The following SPAG16 variants were observed in gnomAD, a reference collection of about 807,000 sequenced individuals.
SPAG16 encodes sperm associated antigen 16.
SPAG16 carries 86 observed loss-of-function variants against 80.4 expected under a neutral mutation model. That is an observed-to-expected ratio of 1.07 (90% CI 0.90 to 1.28). The LOEUF is 1.28. Among genes scored for constraint, SPAG16 ranks in the 50% most tolerant of loss-of-function variants. The pLI is 0.00. For synonymous variants in SPAG16, 294 were observed against 265.9 expected (o/e 1.11, Z -1.03); for missense variants, 870 against 765.3 (o/e 1.14, Z -1.61).
At chr2:213,420,259 AAT>A (rs2069505856) in intron 9 of SPAG16, among the ~76,000 whole-genome samples, 3 of 152,228 alleles carry the variant, frequency 2.0e-5, no homozygotes, top group African/African-American at 4.8e-5. Flanking sequence ...CTGATGATGA[AAT>A]ATAAGAACAG....
At chr2:213,775,399 A>G (rs1437197762) in intron 10 of SPAG16, among the ~76,000 whole-genome samples, 1 of 152,182 alleles carries the variant, frequency 6.6e-6, no homozygotes, top group African/African-American at 2.4e-5. Flanking sequence ...ACTACATTCT[A>G]TTTTATAAAC....
intron 9 of SPAG16, among the ~76,000 whole-genome samples, chr2:213,384,462 C>T (rs2067323976): frequency 6.6e-6 from 1 of 152,166 alleles, no homozygotes; most frequent in Admixed American, 6.5e-5. Context: ...GCCTCAGCCT[C>T]AAATCTAAGA....
At chr2:213,294,507 T>TAAAA (rs1318754598) in intron 1 of SPAG16, among the ~76,000 whole-genome samples, 1 of 152,220 alleles carries the variant, frequency 6.6e-6, no homozygotes, top group Non-Finnish European at 1.5e-5. Context: ...AGACTGCAAG[T>TAAAA]ATGCAACTAT....
intron 8 of SPAG16, among the ~76,000 whole-genome samples, chr2:213,372,969 G>A (rs973170691): frequency 5.9e-5 from 9 of 152,094 alleles, no homozygotes; most frequent in African/African-American, 9.7e-5. Flanking sequence ...AGCACTGGAA[G>A]GTACAATAAA....
rs112002008 is a variant in SPAG16 at position 213,543,223 on chromosome 2, A to G, written c.1070+53133A>G. ...CCCTAAGAAATTGGTTAGGTTGAGC[A>G]TCTCATTTTATTTCTTTTTTATGAA... On this transcript the variant is annotated intron_variant, in intron 10 of 15. Transcript: ENST00000331683. 8.0e-4 allele frequency among the ~76,000 whole-genome samples: 121 copies of G among 152,154 alleles called. 2 individuals are homozygous for G. The highest frequency in any genetic ancestry group is 3.4e-3 in the Middle Eastern group (1 of 294).
chr2:214,051,064 C>A (rs1000501260), intron 13 of SPAG16, among the ~76,000 whole-genome samples: 11 of 152,230 alleles, frequency 7.2e-5, no homozygotes, highest in African/African-American at 1.9e-4. Context: ...AGTGTCTTGA[C>A]CTTTAATATT....
At chr2:213,974,535 T>C (rs1342018203) in intron 12 of SPAG16, among the ~76,000 whole-genome samples, 1 of 152,028 alleles carries the variant, frequency 6.6e-6, no homozygotes, top group African/African-American at 2.4e-5. Context: ...TGATAAATAC[T>C]ACCAGAAAGT....
chr2:213,969,593 A>G (rs1453738284), intron 12 of SPAG16, among the ~76,000 whole-genome samples: 1 of 152,176 alleles, frequency 6.6e-6, no homozygotes, highest in Admixed American at 6.6e-5. Flanking sequence ...TCAAGACACC[A>G]TCTTGGAAGC....
chr2:213,515,277 CAA>C (rs1013631354), intron 10 of SPAG16, among the ~76,000 whole-genome samples: 20 of 152,202 alleles, frequency 1.3e-4, no homozygotes, highest in African/African-American at 4.8e-4. Context: ...CTTTATCCTC[CAA>C]AGTCACTCAA....
intron 12 of SPAG16, among the ~76,000 whole-genome samples, chr2:213,954,952 T>C (rs372073984): frequency 5.9e-5 from 9 of 152,324 alleles, no homozygotes; most frequent in African/African-American, 2.2e-4. Flanking sequence ...CATGTGCATG[T>C]CTTCTTTGAA....
At chr2:214,264,282 C>CT (rs1176617982) in intron 15 of SPAG16, among the ~76,000 whole-genome samples, 1 of 152,128 alleles carries the variant, frequency 6.6e-6, no homozygotes, top group Non-Finnish European at 1.5e-5. Context: ...TCTGTGGACT[C>CT]TAAGTGCTGT....
At chr2:213,984,818 C>A (rs1315257232) in intron 12 of SPAG16, among the ~76,000 whole-genome samples, 1 of 152,066 alleles carries the variant, frequency 6.6e-6, no homozygotes, top group Non-Finnish European at 1.5e-5. Flanking sequence ...CTAGCCTCTG[C>A]AGCTCTTCCA....
chr2:213,685,196 C>G (rs909379070), intron 10 of SPAG16, among the ~76,000 whole-genome samples: 6 of 152,246 alleles, frequency 3.9e-5, no homozygotes, highest in African/African-American at 1.4e-4. Flanking sequence ...GTCTTAACCC[C>G]AAGTACCTCA....
intron 10 of SPAG16, among the ~76,000 whole-genome samples, chr2:213,759,477 A>T (rs2068528156): frequency 1.3e-5 from 2 of 152,058 alleles, no homozygotes; most frequent in Admixed American, 1.3e-4. Flanking sequence ...ATTTTGTGAC[A>T]TCAAAAATTG....
intron 10 of SPAG16, among the ~76,000 whole-genome samples, chr2:213,823,739 C>T (rs2125699760): frequency 6.6e-6 from 1 of 152,182 alleles, no homozygotes; most frequent in Admixed American, 6.5e-5. Flanking sequence ...ATATCATTTG[C>T]CTACTTTTTG....
intron 15 of SPAG16, among the ~76,000 whole-genome samples, chr2:214,321,270 T>C (rs905407859): frequency 3.9e-5 from 6 of 152,220 alleles, no homozygotes; most frequent in African/African-American, 1.4e-4. Flanking sequence ...AATATCTTCA[T>C]ATAGCCAAAG....
intron 10 of SPAG16, among the ~76,000 whole-genome samples, chr2:213,861,434 G>A (rs753613774): frequency 1.1e-4 from 17 of 152,108 alleles, no homozygotes; most frequent in Non-Finnish European, 2.2e-4. Context: ...AAAGAACAAG[G>A]CCATTTATAG....
At chr2:214,291,834 GTGTT>G (rs1299496112) in intron 15 of SPAG16, among the ~76,000 whole-genome samples, 1 of 152,068 alleles carries the variant, frequency 6.6e-6, no homozygotes, top group African/African-American at 2.4e-5. Context: ...CTTCATTTGT[GTGTT>G]TGGTTTATCA....
intron 15 of SPAG16, among the ~76,000 whole-genome samples, chr2:214,293,713 A>C (rs1252857647): frequency 6.6e-6 from 1 of 152,196 alleles, no homozygotes; most frequent in East Asian, 1.9e-4. Context: ...CTGGTCCTGC[A>C]GTAGCAGCAG....
Sources: gnomAD v4.1 joint callset for allele counts (sites outside exome capture counted in the v4.1 genomes callset) on GRCh38, gnomAD v4.1.1 for gene constraint, MANE v1.5 for transcripts, NCBI Gene and HGNC (gene_info 2026-07-23, HGNC 2026-07-21) for gene names.